Variants in APP observed in about 807,000 individuals in gnomAD.
The protein encoded by APP is amyloid beta precursor protein, also known as amyloid-beta precursor protein.
Under a neutral mutation model 101.4 loss-of-function variants are expected in APP, and 31 were observed. The ratio of observed to expected loss-of-function variants is 0.31; its 90% confidence interval spans 0.23 to 0.41. The LOEUF (loss-of-function observed/expected upper bound fraction) is 0.41. Ranked by LOEUF, APP falls within the 10% of genes least tolerant of loss-of-function variation. The pLI, the probability that APP is intolerant of heterozygous loss-of-function variation, is 1.00. For missense variants in APP, 839 were observed against 1,003.7 expected (o/e 0.84, Z 2.22); for synonymous variants, 366 against 364.4 (o/e 1.00, Z -0.05).
chr21:26,130,441 C>T (rs2062771336), intron 1 of APP, among the ~76,000 whole-genome samples: 1 of 152,238 alleles, frequency 6.6e-6, no homozygotes, highest in Non-Finnish European at 1.5e-5. Flanking sequence ...CAGGAAACAG[C>T]AAGGCCACTC....
chr21:25,960,886 T>C (rs1268528854), intron 11 of APP, among the ~76,000 whole-genome samples: 2 of 152,186 alleles, frequency 1.3e-5, no homozygotes, highest in South Asian at 2.1e-4. Context: ...CTAGGAATCA[T>C]GCTTGGAAAT....
intron 9 of APP, among the ~76,000 whole-genome samples, chr21:25,979,765 G>T (rs1158478119): frequency 6.6e-6 from 1 of 151,534 alleles, no homozygotes; most frequent in Non-Finnish European, 1.5e-5. Context: ...GGTCAAAAAT[G>T]AACAAGATAT....
chr21:25,955,786 A>T (rs1376859579), intron 11 of APP, 31 bp from the exon 12 acceptor site: 6 of 1,613,784 alleles, frequency 3.7e-6, no homozygotes, highest in Non-Finnish European at 5.1e-6. Flanking sequence ...ACTCTTTTTC[A>T]AGTTTGTGCA....
At chr21:25,889,103 C>T (rs2037527014) in intron 17 of APP, among the ~76,000 whole-genome samples, 1 of 152,166 alleles carries the variant, frequency 6.6e-6, no homozygotes, top group South Asian at 2.1e-4. Flanking sequence ...CTGTTACGGG[C>T]TAAAACGTGT....
chr21:25,888,229 G>A (rs1346131203), intron 17 of APP, among the ~76,000 whole-genome samples: 1 of 152,188 alleles, frequency 6.6e-6, no homozygotes, highest in Non-Finnish European at 1.5e-5. Context: ...ATGTACTTGA[G>A]GGTGAGAGTG....
Position 25,917,111 on chromosome 21 carries a change from A to C in APP, c.1688-5149T>G, listed in dbSNP as rs2039388538. Among the ~76,000 whole-genome samples, 4 of 152,218 alleles carry C rather than the reference A, an allele frequency of 2.6e-5. No homozygotes were observed. In the South Asian group the frequency reaches 8.3e-4, roughly 32 times the overall value. ...CCCCGTCTCTACTAAAAATACAAAA[A>C]TTAGCCGTGCATGGTGGCGGACGCC... On this transcript the variant is annotated intron_variant, in intron 13 of 17. Transcript: ENST00000346798.
chr21:26,070,200 A>G lies in APP; in HGVS notation c.356-16852T>C, dbSNP rs547227300. On this transcript the variant is annotated intron_variant, in intron 3 of 17. Transcript: ENST00000346798. The stretch of plus-strand genomic sequence containing the variant: ...TTGAATCATGTTTCAAAAATCACAC[A>G]ATCTGTTCAAACACGGATAGACCCC... 2.2e-4 allele frequency among the ~76,000 whole-genome samples: 34 copies of G among 152,310 alleles called. No homozygotes were observed. The East Asian group carries it at 6.0e-3, about 27-fold the overall frequency.
intron 1 of APP, among the ~76,000 whole-genome samples, chr21:26,159,135 T>C (rs914156145): frequency 2.6e-5 from 4 of 151,896 alleles, no homozygotes; most frequent in Non-Finnish European, 5.9e-5. Context: ...TAGGCTGGAG[T>C]GCAGTGGCAC....
At position 25,975,122 on chromosome 21, in the gene APP, C is replaced by T. The variant is rs199549173; in HGVS notation, c.1406G>A (p.Arg469His). ...ARVEAMLNDR[R>H]RLALENYITA... ...GATGTAGTTCTCCAGGGCCAGGCGG[C>T]GGCGGTCATTGAGCATGGCTTCCAC... Residue 469 changes from arginine (R) to histidine (H), a missense_variant, in exon 11 of 18, where the codon CGC becomes CAC. Transcript: ENST00000346798. 2.1e-5 allele frequency: 34 copies of T among 1,613,898 alleles called. No individual in the cohort carries two copies. The highest frequency in any genetic ancestry group is 3.3e-4 in the Middle Eastern group (2 of 6,084).
At chr21:25,892,046 TAAAAAAAA>T (rs10547971) in intron 16 of APP, among the ~76,000 whole-genome samples, 178 bp from the exon 17 acceptor site, 2 of 138,848 alleles carry the variant, frequency 1.4e-5, no homozygotes, top group East Asian at 2.1e-4. Context: ...ATGCTTACTT[TAAAAAAAA>T]AAAAAAAAAA....
intron 14 of APP, among the ~76,000 whole-genome samples, chr21:25,905,557 G>A (rs2038744785): frequency 6.6e-6 from 1 of 152,152 alleles, no homozygotes; most frequent in South Asian, 2.1e-4. Flanking sequence ...AATTTATCAG[G>A]AGAGCAAAGT....
chr21:25,909,013 C>A (rs1193955791), intron 14 of APP, among the ~76,000 whole-genome samples: 1 of 152,130 alleles, frequency 6.6e-6, no homozygotes, highest in Non-Finnish European at 1.5e-5. Context: ...CCTGTAATCC[C>A]AGCACTTTGG....
intron 15 of APP, among the ~76,000 whole-genome samples, chr21:25,904,575 T>G (rs2038685775): frequency 6.6e-6 from 1 of 152,214 alleles, no homozygotes; most frequent in Admixed American, 6.5e-5. Flanking sequence ...TGATTGAAGT[T>G]TGAGCCCAGT....
At chr21:26,043,979 C>T (rs1160068220) in intron 5 of APP, among the ~76,000 whole-genome samples, 1 of 152,132 alleles carries the variant, frequency 6.6e-6, no homozygotes, top group African/African-American at 2.4e-5. Flanking sequence ...AAATATTTAT[C>T]ATCCGAAGAA....
At chr21:25,946,828 T>C (rs909486172) in intron 13 of APP, among the ~76,000 whole-genome samples, 3 of 152,150 alleles carry the variant, frequency 2.0e-5, no homozygotes, top group African/African-American at 4.8e-5. Flanking sequence ...ACACTGTGGT[T>C]GATATTTAAT....
At chr21:26,110,576 G>A (rs1307741952) in intron 2 of APP, among the ~76,000 whole-genome samples, 3 of 152,106 alleles carry the variant, frequency 2.0e-5, no homozygotes, top group Non-Finnish European at 4.4e-5. Context: ...AATATATTGT[G>A]ATAATGTAGA....
intron 15 of APP, among the ~76,000 whole-genome samples, chr21:25,899,384 T>G (rs1230704507): frequency 2.6e-5 from 4 of 152,172 alleles, no homozygotes; most frequent in Non-Finnish European, 5.9e-5. Flanking sequence ...GTGGTCGGGA[T>G]GTAGTGACTT....
rs1481860172 is a variant in APP at position 26,152,301 on chromosome 21, AAAAAAAT to A, written c.57+18256_57+18262del. 5.9e-3 allele frequency among the ~76,000 whole-genome samples: 885 copies of A among 149,446 alleles called. 16 individuals are homozygous for A. The highest frequency in any genetic ancestry group is 0.02 in the African/African-American group (797 of 40,326). The stretch of plus-strand genomic sequence containing the variant: ...CTCCATCTCAAAAAAAAAAAAAAAA[AAAAAAAT>A]GGGCCAAGGATCTGAATAGACATTT... On this transcript the variant is annotated intron_variant, in intron 1 of 17. Transcript: ENST00000346798.
intron 5 of APP, among the ~76,000 whole-genome samples, chr21:26,040,134 ATTT>A (rs1396684280): frequency 3.3e-5 from 5 of 152,210 alleles, no homozygotes; most frequent in African/African-American, 1.2e-4. Context: ...ATTTTAAATA[ATTT>A]TTGTTTCAGA....
Sources: allele counts gnomAD v4.1 joint callset (sites outside exome capture counted in the v4.1 genomes callset), GRCh38; gene constraint gnomAD v4.1.1; transcripts MANE v1.5; gene names NCBI Gene and HGNC (gene_info 2026-07-23, HGNC 2026-07-21).